The following RBFOX1 variants were observed in gnomAD, a reference collection of about 807,000 sequenced individuals.
RBFOX1 encodes the protein RNA binding fox-1 homolog 1, also known as RNA binding protein fox-1 homolog 1.
A neutral mutation model predicts 57.7 loss-of-function variants in RBFOX1; 8 were observed. The ratio of observed to expected loss-of-function variants is 0.14; its 90% CI spans 0.08 to 0.25. RBFOX1 has a LOEUF of 0.25. Among genes scored for constraint, RBFOX1 ranks in the 10% least tolerant of loss-of-function variants. RBFOX1 has a pLI of 1.00. For synonymous variants in RBFOX1, 326 were observed against 222.4 expected, an observed-to-expected ratio of 1.47 and a Z score of -4.15; for missense variants, 611 against 548.5, an observed-to-expected ratio of 1.11 and a Z score of -1.14.
At chr16:6,628,534 C>G (rs2098340226) in intron 2 of RBFOX1, among the ~76,000 whole-genome samples, 1 of 152,176 alleles carries the variant, frequency 6.6e-6, no homozygotes, top group South Asian at 2.1e-4. Flanking sequence ...ATATATCCAT[C>G]ACTTCATCTA....
At chr16:7,200,487 C>G (rs977347504) in intron 4 of RBFOX1, among the ~76,000 whole-genome samples, 2 of 152,188 alleles carry the variant, frequency 1.3e-5, no homozygotes, top group African/African-American at 2.4e-5. Flanking sequence ...GCAGTAGGCA[C>G]TAAGGATGAT....
At chr16:5,473,589 AG>A (rs1399203357) in intron 2 of RBFOX1, among the ~76,000 whole-genome samples, 1 of 148,272 alleles carries the variant, frequency 6.7e-6, no homozygotes, top group East Asian at 2.0e-4. Flanking sequence ...ATGGATGAAA[AG>A]ATGGACGTAA....
intron 11 of RBFOX1, among the ~76,000 whole-genome samples, chr16:7,649,019 C>T (rs2064356962): frequency 6.6e-6 from 1 of 152,110 alleles, no homozygotes; most frequent in African/African-American, 2.4e-5. Context: ...AAAAGGGTTC[C>T]TATCCAGACC....
At chr16:5,984,643 G>T (rs1230739205) in intron 4 of RBFOX1, among the ~76,000 whole-genome samples, 4 of 152,078 alleles carry the variant, frequency 2.6e-5, no homozygotes, top group Non-Finnish European at 5.9e-5. Flanking sequence ...ACCTGTACAG[G>T]CATAGCTCTC....
chr16:6,599,614 TA>T (rs1567828357), intron 2 of RBFOX1, among the ~76,000 whole-genome samples: 1 of 152,170 alleles, frequency 6.6e-6, no homozygotes, highest in African/African-American at 2.4e-5. Context: ...TAAATCAGGC[TA>T]ATCTTTTTAT....
chr16:5,759,295 TG>T (rs1157101240), intron 3 of RBFOX1, among the ~76,000 whole-genome samples: 2 of 152,214 alleles, frequency 1.3e-5, no homozygotes, highest in Non-Finnish European at 2.9e-5. Context: ...GTACACATGC[TG>T]TTTGCCCATA....
chr16:7,212,901 A>G (rs1011781164), intron 4 of RBFOX1, among the ~76,000 whole-genome samples: 2 of 152,202 alleles, frequency 1.3e-5, no homozygotes, highest in Non-Finnish European at 2.9e-5. Context: ...GATGAAGGCA[A>G]TAGTGGTTAC....
At chr16:5,767,109 A>G (rs74006269) in intron 3 of RBFOX1, among the ~76,000 whole-genome samples, 10,914 of 152,272 alleles carry the variant, frequency 0.072, 1,302 homozygotes, top group African/African-American at 0.24. Flanking sequence ...TGCACACCCA[A>G]AGTGTTCCCT....
chr16:7,055,520 A>G (rs752146542), intron 4 of RBFOX1, among the ~76,000 whole-genome samples: 54 of 152,012 alleles, frequency 3.6e-4, no homozygotes, highest in Non-Finnish European at 5.0e-4. Context: ...ACAGGGCAGC[A>G]CTCTCATCAG....
intron 3 of RBFOX1, among the ~76,000 whole-genome samples, chr16:6,935,921 C>G (rs534931161): frequency 1.3e-5 from 2 of 152,278 alleles, no homozygotes; most frequent in South Asian, 2.1e-4. Flanking sequence ...GTTTGTGTGA[C>G]TGGGGACCAA....
intron 4 of RBFOX1, among the ~76,000 whole-genome samples, chr16:5,938,696 A>G (rs2059219213): frequency 6.6e-6 from 1 of 152,142 alleles, no homozygotes; most frequent in Non-Finnish European, 1.5e-5. Context: ...ATCCTGAGGA[A>G]TAGCCTGGTT....
intron 1 of RBFOX1, among the ~76,000 whole-genome samples, chr16:6,109,022 C>T (rs958249439): frequency 2.0e-5 from 3 of 152,044 alleles, no homozygotes; most frequent in Admixed American, 6.6e-5. Context: ...CTGATATCTT[C>T]GGGTGGCGAT....
intron 1 of RBFOX1, among the ~76,000 whole-genome samples, chr16:5,292,908 C>T (rs534704096): frequency 6.6e-6 from 1 of 152,206 alleles, no homozygotes; most frequent in South Asian, 2.1e-4. Flanking sequence ...CACGTGTGAG[C>T]CACTGTGCCC....
intron 3 of RBFOX1, among the ~76,000 whole-genome samples, chr16:6,793,028 G>GAAA (rs71145295): frequency 3.7e-5 from 5 of 136,496 alleles, no homozygotes; most frequent in African/African-American, 5.4e-5. Flanking sequence ...GACTCCATCT[G>GAAA]AAAAAAAAAA....
At chr16:6,932,200 C>A (rs548342129) in intron 3 of RBFOX1, among the ~76,000 whole-genome samples, 1 of 152,126 alleles carries the variant, frequency 6.6e-6, no homozygotes, top group Non-Finnish European at 1.5e-5. Context: ...ACCTCCTGTG[C>A]TTGAGTGATT....
intron 2 of RBFOX1, among the ~76,000 whole-genome samples, chr16:6,457,285 G>A (rs1031970128): frequency 6.6e-6 from 1 of 152,120 alleles, no homozygotes; most frequent in African/African-American, 2.4e-5. Flanking sequence ...GTATTACAGA[G>A]CCTGTGATGG....
intron 1 of RBFOX1, among the ~76,000 whole-genome samples, chr16:5,244,521 C>G (rs1365715736): frequency 6.6e-6 from 1 of 152,204 alleles, no homozygotes; most frequent in Admixed American, 6.5e-5. Context: ...TTTGGACCAA[C>G]CTCTGGGTTT....
chr16:6,723,144 A>G lies in RBFOX1; in HGVS notation c.-16+68494A>G, dbSNP rs116688565. The stretch of plus-strand genomic sequence containing the variant: ...TGTCTTGGTTGCTGATGCTCTGTAA[A>G]ACTCAGTAGTAGCTAATATTTAGGA... On this transcript the variant is annotated intron_variant, in intron 3 of 15. Transcript: ENST00000550418. Among the ~76,000 whole-genome samples, 713 of 152,282 alleles carry G rather than the reference A, an allele frequency of 4.7e-3. 2 individuals carry two copies. Among genetic ancestry groups the G allele is most frequent in the Middle Eastern group, 0.024 (7 of 294 alleles).
chr16:5,730,132 G>C (rs950724061), intron 3 of RBFOX1, among the ~76,000 whole-genome samples: 9 of 152,144 alleles, frequency 5.9e-5, no homozygotes, highest in South Asian at 2.1e-4. Context: ...TTAGGTTTTT[G>C]GTTTCTGGTC....
Sources: gnomAD v4.1 joint callset for allele counts (sites outside exome capture counted in the v4.1 genomes callset) on GRCh38, gnomAD v4.1.1 for gene constraint, MANE v1.5 for transcripts, NCBI Gene and HGNC (gene_info 2026-07-23, HGNC 2026-07-21) for gene names.